The following ZNF90 variants were observed in gnomAD, a reference collection of about 807,000 sequenced individuals.
The protein encoded by ZNF90 is zinc finger protein 90.
A neutral mutation model predicts 12.0 loss-of-function variants in ZNF90; 11 were observed. The observed-to-expected ratio is 0.92, with a 90% CI of 0.58 to 1.52. The LOEUF (loss-of-function observed/expected upper bound fraction) is 1.52, where lower values mean the gene tolerates loss of function less well. Among genes scored for constraint, ZNF90 ranks in the 40% most tolerant of loss-of-function variants. The pLI, the probability that ZNF90 is intolerant of heterozygous loss-of-function variation, is 0.00. For missense variants in ZNF90, 765 were observed against 711.5 expected, an observed-to-expected ratio of 1.08 and a Z score of -0.86; for synonymous variants, 232 against 240.1, an observed-to-expected ratio of 0.97 and a Z score of 0.31.
Position 20,118,545 on chromosome 19 carries a change from CATAAG to C in ZNF90, c.993_997del (p.His331GlnfsTer12). 6.2e-7 allele frequency: 1 copy of C among 1,613,448 alleles called. No individual in the cohort carries two copies. Among genetic ancestry groups the C allele is most frequent in the East Asian group, 2.2e-5 (1 of 44,836 alleles). Reference sequence around the variant, plus strand: ...CAAGCTCTCCTCAATCCTTAGTACACATAAGAGAATCCATACTGGAGAGAAACCCT... The same window carrying C: ...CAAGCTCTCCTCAATCCTTAGTACACAGAATCCATACTGGAGAGAAACCCT... On this transcript the variant is annotated frameshift_variant, in exon 4 of 4. Coordinates refer to ENST00000418063, the MANE Select transcript of ZNF90 (RefSeq NM_007138.2). LOFTEE classifies it low-confidence loss of function (END_TRUNC).
intron 1 of ZNF90, among the ~76,000 whole-genome samples, chr19:20,097,635 G>A (rs141644892): frequency 0.013 from 1,980 of 152,260 alleles, 53 homozygotes; most frequent in African/African-American, 0.044. Context: ...GCTCACAAAT[G>A]TGCTATAAAC....
intron 1 of ZNF90, among the ~76,000 whole-genome samples, chr19:20,079,141 A>G (rs2088801515): frequency 6.6e-6 from 1 of 151,392 alleles, no homozygotes; most frequent in Admixed American, 6.6e-5. Context: ...AAAAAAAGTA[A>G]GCATCTTAAA....
Position 20,084,548 on chromosome 19 carries a change from T to C in ZNF90, c.3+6413T>C, listed in dbSNP as rs1396825589. 2.0e-5 allele frequency among the ~76,000 whole-genome samples: 3 copies of C among 152,196 alleles called. No individual in the cohort carries two copies. The East Asian group carries it at 5.8e-4, about 29-fold the overall frequency. On this transcript the variant is annotated intron_variant, in intron 1 of 3. Transcript: ENST00000418063. ...GTCAAATGAGGATTCTGTTTTTAGT[T>C]CTGTGAGGAATCGCCACACTGCTTT...
chr19:20,119,205 C>T lies in ZNF90; in HGVS notation c.1651C>T (p.Gln551Ter). Residue 551 changes from glutamine to a stop codon, truncating the protein, a stop_gained, in exon 4 of 4, where the codon CAG (glutamine) becomes TAG (stop). Coordinates refer to ENST00000418063, the MANE Select transcript of ZNF90 (RefSeq NM_007138.2). LOFTEE classifies it low-confidence loss of function (END_TRUNC). Reference protein sequence around the residue: ...ECGKAFKRSSQLTSHKISHTG... With the variant: ...ECGKAFKRSS Reference sequence around the variant, plus strand: ...TGGCAAAGCCTTTAAGCGCTCCTCACAGCTTACTAGTCATAAGATAAGTCA... The same window carrying T: ...TGGCAAAGCCTTTAAGCGCTCCTCATAGCTTACTAGTCATAAGATAAGTCA... 1 of 1,613,048 alleles carries T rather than the reference C, an allele frequency of 6.2e-7. No individual in the cohort carries two copies. Among genetic ancestry groups the T allele is most frequent in the Non-Finnish European group, 8.5e-7 (1 of 1,179,728 alleles).
Position 20,085,971 on chromosome 19 carries a change from G to T in ZNF90, c.3+7836G>T, listed in dbSNP as rs545928560. Among the ~76,000 whole-genome samples the T allele has an allele frequency of 6.0e-4, 91 of 152,160 alleles. No individual in the cohort carries two copies. In the Middle Eastern group the frequency reaches 0.014, roughly 23 times the overall value. The stretch of plus-strand genomic sequence containing the variant: ...AGCATACAGAAGCTTAGCACAAAGA[G>T]AATTAAATTTAGCAATACAGAATGA... On this transcript the variant is annotated intron_variant, in intron 1 of 3. Coordinates refer to ENST00000418063, the MANE Select transcript of ZNF90 (RefSeq NM_007138.2).
chr19:20,088,858 T>G (rs1250204755), intron 1 of ZNF90, among the ~76,000 whole-genome samples: 2 of 152,346 alleles, frequency 1.3e-5, no homozygotes, highest in East Asian at 1.9e-4. Flanking sequence ...CAGAAAGTCC[T>G]AAACGGACCA....
intron 1 of ZNF90, among the ~76,000 whole-genome samples, chr19:20,083,163 G>T (rs1368622047): frequency 6.6e-6 from 1 of 151,806 alleles, no homozygotes; most frequent in Non-Finnish European, 1.5e-5. Flanking sequence ...GCCGGTGCCG[G>T]TCCTCCATCT....
intron 1 of ZNF90, among the ~76,000 whole-genome samples, chr19:20,097,532 A>G (rs1471173643): frequency 1.3e-5 from 2 of 152,240 alleles, no homozygotes; most frequent in African/African-American, 2.4e-5. Flanking sequence ...TTCAGAGACC[A>G]TGGGGCCCAC....
At chr19:20,106,931 A>G in intron 3 of ZNF90, 2 of 454,456 alleles carry the variant, frequency 4.4e-6, no homozygotes, top group Non-Finnish European at 8.8e-6. Context: ...TGTAATTCTC[A>G]TTTTATTTTT....
intron 1 of ZNF90, among the ~76,000 whole-genome samples, chr19:20,083,217 T>C (rs1014807316): frequency 6.6e-6 from 1 of 152,112 alleles, no homozygotes; most frequent in Non-Finnish European, 1.5e-5. Context: ...TCTCTATACT[T>C]TGTCTCTGTG....
intron 1 of ZNF90, among the ~76,000 whole-genome samples, chr19:20,101,517 G>A (rs1216606599): frequency 6.6e-6 from 1 of 152,192 alleles, no homozygotes; most frequent in Non-Finnish European, 1.5e-5. Context: ...GGATGGGAAA[G>A]GAGAAACTTT....
chr19:20,104,205 T>A, intron 1 of ZNF90, 34 bp from the exon 2 acceptor site: 1 of 1,610,868 alleles, frequency 6.2e-7, no homozygotes, highest in Non-Finnish European at 8.5e-7. Flanking sequence ...GACCACTTGG[T>A]AAAAATGTGT....
intron 3 of ZNF90, among the ~76,000 whole-genome samples, chr19:20,113,937 T>A (rs1451184191): frequency 6.6e-6 from 1 of 152,070 alleles, no homozygotes; most frequent in Non-Finnish European, 1.5e-5. Flanking sequence ...TAACTCTGTA[T>A]TTTTTTAAGG....
In ZNF90 at chr19:20,118,771, T is replaced by C. The variant is rs1174185256; in HGVS notation, c.1217T>C (p.Phe406Ser). The change falls in exon 4 of 4, where the codon TTC becomes TCC. Residue 406 changes from phenylalanine (F) to serine (S), a missense_variant. Transcript: ENST00000418063. ...AAATGTGAAGAATGTGGCAAAGCCT[T>C]CAAGCGCTCCTCAACACTTACTATA... ...PYKCEECGKAFKRSSTLTIHK... is the reference protein window; with the variant it reads ...PYKCEECGKASKRSSTLTIHK... The C allele has an allele frequency of 1.9e-6, 3 of 1,608,036 alleles. No individual in the cohort carries two copies. In the African/African-American group the frequency reaches 4.0e-5, roughly 22 times the overall value.
chr19:20,096,344 G>A (rs1040968846), intron 1 of ZNF90, among the ~76,000 whole-genome samples: 2 of 152,192 alleles, frequency 1.3e-5, no homozygotes, highest in Non-Finnish European at 2.9e-5. Context: ...TTTCATGCAT[G>A]TCCGTGTGAA....
At chr19:20,080,302 T>C (rs1286260143) in intron 1 of ZNF90, 2 of 547,172 alleles carry the variant, frequency 3.7e-6, no homozygotes, top group East Asian at 4.6e-5. Context: ...GTAGACAACA[T>C]GGACGATCCT....
intron 3 of ZNF90, among the ~76,000 whole-genome samples, chr19:20,116,805 G>T (rs2089140436): frequency 6.6e-6 from 1 of 151,852 alleles, no homozygotes; most frequent in Admixed American, 6.6e-5. Context: ...CCTGTTTGGG[G>T]TACTGCAGTT....
intron 1 of ZNF90, among the ~76,000 whole-genome samples, chr19:20,103,887 C>T (rs2089009167): frequency 6.6e-6 from 1 of 151,954 alleles, no homozygotes. Flanking sequence ...TGAGAGGTGC[C>T]TTCTAAGTCA....
intron 1 of ZNF90, among the ~76,000 whole-genome samples, chr19:20,078,458 T>C (rs965860592): frequency 6.6e-6 from 1 of 151,990 alleles, no homozygotes; most frequent in Admixed American, 6.5e-5. Flanking sequence ...GGGTGCAGGT[T>C]CATGAATGGG....
Sources: gnomAD v4.1 joint callset for allele counts (sites outside exome capture counted in the v4.1 genomes callset) on GRCh38, gnomAD v4.1.1 for gene constraint, MANE v1.5 for transcripts, NCBI Gene and HGNC (gene_info 2026-07-23, HGNC 2026-07-21) for gene names.